Variants in COL27A1 observed in about 807,000 individuals in gnomAD.
COL27A1 encodes collagen alpha-1(XXVII) chain.
In COL27A1, 106 loss-of-function variants were observed where a neutral mutation model predicts 251.3. The ratio of observed to expected loss-of-function variants is 0.42; its 90% CI spans 0.36 to 0.50. COL27A1 has a LOEUF of 0.50. Among genes scored for constraint, COL27A1 ranks in the 20% least tolerant of loss-of-function variants. The pLI is 0.00. For missense variants in COL27A1, 2,325 were observed against 2,522.8 expected (o/e 0.92, Z 1.68); for synonymous variants, 1,000 against 986.3 (o/e 1.01, Z -0.26).
intron 21 of COL27A1, among the ~76,000 whole-genome samples, chr9:114,241,772 C>T (rs1456121864): frequency 2.0e-5 from 3 of 152,242 alleles, no homozygotes; most frequent in Non-Finnish European, 2.9e-5. Flanking sequence ...AGGAACTCAG[C>T]TGAAGCCACT....
In COL27A1 at chr9:114,240,262, GA is replaced by G; in HGVS notation, c.2772del (p.Gly925AlafsTer2). On this transcript the variant is annotated frameshift_variant, in exon 20 of 61. Coordinates refer to ENST00000356083, the MANE Select transcript of COL27A1 (RefSeq NM_032888.4). LOFTEE classifies it high-confidence loss of function. ...DIGPPGDNGPEGMKGKPGARG... is the reference protein window; with the variant it reads ...DIGPPGDNGPXGMKGKPGARG... ...CGGCCCCCCTGGCGACAATGGCCCA[GA>G]AGGCATGAAGGTGAGTACCTGCCCA... is the stretch of plus-strand genomic sequence containing the variant. 1 of 1,601,336 alleles carries G rather than the reference GA, an allele frequency of 6.2e-7. No individual in the cohort carries two copies. Among genetic ancestry groups the G allele is most frequent in the Non-Finnish European group, 8.5e-7 (1 of 1,173,660 alleles).
At chr9:114,294,174 G>T (rs1342891079) in intron 49 of COL27A1, among the ~76,000 whole-genome samples, 2 of 150,992 alleles carry the variant, frequency 1.3e-5, no homozygotes, top group African/African-American at 4.9e-5. Flanking sequence ...CTTGAACCTG[G>T]GAGGCGGAGG....
At chr9:114,261,682 A>T (rs185178934) in intron 28 of COL27A1, among the ~76,000 whole-genome samples, 149 of 152,252 alleles carry the variant, frequency 9.8e-4, no homozygotes, top group Middle Eastern at 3.4e-3. Context: ...TCCTGGCAGG[A>T]TCCTCTGGGT....
intron 48 of COL27A1, among the ~76,000 whole-genome samples, chr9:114,291,326 T>C (rs1382744664): frequency 6.6e-6 from 1 of 152,156 alleles, no homozygotes; most frequent in East Asian, 1.9e-4. Flanking sequence ...GAGATGTAGA[T>C]GAATGACTCA....
intron 36 of COL27A1, among the ~76,000 whole-genome samples, chr9:114,274,623 C>T (rs1835367473): frequency 6.6e-6 from 1 of 152,164 alleles, no homozygotes; most frequent in Non-Finnish European, 1.5e-5. Context: ...GATCGCCATG[C>T]AGAGCCCAGA....
At chr9:114,216,984 C>A (rs183465169) in intron 12 of COL27A1, among the ~76,000 whole-genome samples, 1 of 152,140 alleles carries the variant, frequency 6.6e-6, no homozygotes, top group African/African-American at 2.4e-5. Context: ...TGCCTAGGTT[C>A]GAATCTCATC....
chr9:114,282,636 C>A, intron 39 of COL27A1, 72 bp downstream of exon 39: 1 of 993,782 alleles, frequency 1.0e-6, no homozygotes, highest in Non-Finnish European at 1.5e-6. Flanking sequence ...AAAGGAGACA[C>A]CAGGCTTCTC....
chr9:114,218,777 C>T (rs922435665), intron 12 of COL27A1, among the ~76,000 whole-genome samples: 5 of 152,054 alleles, frequency 3.3e-5, no homozygotes, highest in Non-Finnish European at 7.4e-5. Flanking sequence ...CTTTGCCTAA[C>T]CAGTAGAGAC....
chr9:114,175,189 C>T (rs552719418), intron 3 of COL27A1, among the ~76,000 whole-genome samples: 8 of 152,174 alleles, frequency 5.3e-5, no homozygotes, highest in South Asian at 2.1e-4. Flanking sequence ...TGTTTGCGTA[C>T]GCCTGGAGCC....
chr9:114,265,351 C>A, intron 31 of COL27A1, 71 bp from the exon 32 acceptor site: 3 of 1,512,928 alleles, frequency 2.0e-6, no homozygotes, highest in Admixed American at 1.7e-5. Flanking sequence ...ACTAGGATGG[C>A]TTGCTTGAAA....
intron 17 of COL27A1, among the ~76,000 whole-genome samples, chr9:114,235,865 C>T (rs1485911805): frequency 6.6e-6 from 1 of 152,128 alleles, no homozygotes; most frequent in African/African-American, 2.4e-5. Flanking sequence ...GGGCCCCAGC[C>T]TCTTGCTTTC....
chr9:114,208,693 G>A (rs923102193), intron 10 of COL27A1, among the ~76,000 whole-genome samples: 4 of 152,094 alleles, frequency 2.6e-5, no homozygotes, highest in Non-Finnish European at 5.9e-5. Context: ...TAATGAGGAC[G>A]TGAAGCATGA....
chr9:114,282,367 C>G (rs751248576), intron 38 of COL27A1, 37 bp downstream of exon 38: 11 of 1,612,628 alleles, frequency 6.8e-6, no homozygotes, highest in Non-Finnish European at 9.3e-6. Context: ...GCCTGCGTCC[C>G]TCCCCCGCAT....
chr9:114,188,004 T>G (rs754207097), intron 5 of COL27A1, among the ~76,000 whole-genome samples: 2 of 152,148 alleles, frequency 1.3e-5, no homozygotes, highest in Non-Finnish European at 2.9e-5. Flanking sequence ...AGCCCCAAAT[T>G]GGGGATTAGC....
intron 39 of COL27A1, among the ~76,000 whole-genome samples, chr9:114,283,191 G>A (rs1173677284): frequency 2.6e-5 from 4 of 152,204 alleles, no homozygotes; most frequent in Non-Finnish European, 4.4e-5. Flanking sequence ...TCCATGTCTG[G>A]TTTCAAGCCA....
chr9:114,165,619 A>G (rs1239092530), intron 2 of COL27A1, among the ~76,000 whole-genome samples: 1 of 147,060 alleles, frequency 6.8e-6, no homozygotes, highest in Non-Finnish European at 1.5e-5. Flanking sequence ...TTATCTGCCT[A>G]TTCATCTACT....
chr9:114,169,139 A>G lies in COL27A1; in HGVS notation c.1584A>G (p.Ser528=), dbSNP rs2135085588. The change falls in exon 3 of 61, where the codon TCA becomes TCG. Residue 528 remains serine (S), a synonymous_variant. Transcript: ENST00000356083. The part of the protein sequence containing the change: ...RTAPAVPTPG[S]APTGSKKPIG... ...CACCTGCCGTCCCCACTCCTGGCTC[A>G]GCTCCCACTGGAAGCAAGAAGCCCA... 6.2e-7 allele frequency: 1 copy of G among 1,614,078 alleles called. No homozygotes were observed. Among genetic ancestry groups the G allele is most frequent in the Middle Eastern group, 1.6e-4 (1 of 6,062 alleles).
At chr9:114,302,258 T>C (rs747386784) in intron 56 of COL27A1, 150 bp downstream of exon 56, 53 of 679,572 alleles carry the variant, frequency 7.8e-5, no homozygotes, top group Non-Finnish European at 1.3e-4. Flanking sequence ...TACTGGAGAC[T>C]TGGACCCGGA....
chr9:114,173,380 C>T (rs4978568), intron 3 of COL27A1, among the ~76,000 whole-genome samples: 10 of 151,968 alleles, frequency 6.6e-5, no homozygotes, highest in Non-Finnish European at 1.2e-4. Context: ...TTGATCCTTA[C>T]GAAATGCAGG....
Sources: allele counts gnomAD v4.1 joint callset (sites outside exome capture counted in the v4.1 genomes callset), GRCh38; gene constraint gnomAD v4.1.1; transcripts MANE v1.5; gene names NCBI Gene and HGNC (gene_info 2026-07-23, HGNC 2026-07-21).